Variants in FBXW2 observed in about 807,000 individuals in gnomAD.
FBXW2 encodes F-box/WD repeat-containing protein 2.
A neutral mutation model predicts 46.0 loss-of-function variants in FBXW2; 12 were observed. The observed-to-expected ratio is 0.26, with a 90% CI of 0.17 to 0.42. The LOEUF (loss-of-function observed/expected upper bound fraction) is 0.42, where lower values mean the gene tolerates loss of function less well. Among genes scored for constraint, FBXW2 ranks in the 10% least tolerant of loss-of-function variants. The probability of loss-of-function intolerance (pLI) is 1.00; values close to 1 mark genes in which losing one functional copy is unlikely to be tolerated. For missense variants in FBXW2, 360 were observed against 537.0 expected, an observed-to-expected ratio of 0.67 and a Z score of 3.26; for synonymous variants, 203 against 209.6, an observed-to-expected ratio of 0.97 and a Z score of 0.27.
At chr9:120,781,965 G>A (rs1453562075) in intron 3 of FBXW2, among the ~76,000 whole-genome samples, 1 of 150,858 alleles carries the variant, frequency 6.6e-6, no homozygotes, top group African/African-American at 2.4e-5. Flanking sequence ...GGAGGTTGCG[G>A]TGAGCCAAGA....
In FBXW2 at chr9:120,758,335, GAAAT is replaced by G. The variant is rs997093575; in HGVS notation, c.*6220_*6223del. ...GATTAACACCCAAAGCGCAAGGGTG[GAAAT>G]AAATAGAGGAGCAAGAACTGTTTGC... On this transcript the variant is annotated 3_prime_UTR_variant, in exon 8 of 8. Transcript: ENST00000608872. 2.6e-5 allele frequency: 4 copies of G among 152,188 alleles called. No individual in the cohort carries two copies. The highest frequency in any genetic ancestry group is 6.5e-5 in the Admixed American group (1 of 15,276). The allele number at this position is 152,188 out of a possible 1,614,324, so 9.4% of individuals were successfully genotyped here.
chr9:120,762,490 A>C lies in FBXW2; in HGVS notation c.*2069T>G, dbSNP rs2044211875. 6.6e-6 allele frequency: 1 copy of C among 152,240 alleles called. No homozygotes were observed. Among genetic ancestry groups the C allele is most frequent in the Admixed American group, 6.5e-5 (1 of 15,286 alleles). The allele number at this position is 152,240 out of a possible 1,614,324, so 9.4% of individuals were successfully genotyped here. A position where few individuals can be genotyped will look rare whatever the true frequency, so the allele number is the denominator to read the frequency against. Reference sequence around the variant, plus strand: ...GCTGATGCACAGAACTCAATGTGAGATAGATTAAACCCAGATTTTGTGGGA... The same window carrying C: ...GCTGATGCACAGAACTCAATGTGAGCTAGATTAAACCCAGATTTTGTGGGA... On this transcript the variant is annotated 3_prime_UTR_variant, in exon 8 of 8. Transcript: ENST00000608872.
At position 120,784,490 on chromosome 9, in the gene FBXW2, T is replaced by C. The variant is rs184747508; in HGVS notation, c.490+3279A>G. On this transcript the variant is annotated intron_variant, in intron 3 of 7. Coordinates refer to ENST00000608872, the MANE Select transcript of FBXW2 (RefSeq NM_012164.4). ...ATCCAGGCATAGGGTTGCTCGCTTG[T>C]AGTCCCAGCTAAACCCGGGAGGCTG... 5.6e-4 allele frequency among the ~76,000 whole-genome samples: 85 copies of C among 151,804 alleles called. 1 individual carries two copies. The Middle Eastern group carries it at 0.014, about 24-fold the overall frequency.
chr9:120,792,823 C>T, intron 2 of FBXW2: 1 of 1,314,092 alleles, frequency 7.6e-7, no homozygotes. Context: ...TGTCAGTTAC[C>T]ATTATTACTT....
chr9:120,776,612 T>C (rs1410129332), intron 4 of FBXW2: 1 of 155,014 alleles, frequency 6.5e-6, no homozygotes, highest in African/African-American at 2.4e-5. Context: ...TAAGACAAAA[T>C]ATAAAGAATG....
At chr9:120,774,721 C>T (rs531005753) in intron 5 of FBXW2, among the ~76,000 whole-genome samples, 1 of 152,342 alleles carries the variant, frequency 6.6e-6, no homozygotes, top group African/African-American at 2.4e-5. Flanking sequence ...ATTCTTCATT[C>T]AGCAGTTAAT....
intron 7 of FBXW2, among the ~76,000 whole-genome samples, chr9:120,770,941 T>C (rs1320926622): frequency 2.0e-5 from 3 of 152,242 alleles, no homozygotes; most frequent in Non-Finnish European, 2.9e-5. Flanking sequence ...AGAAGGTCAC[T>C]TGATCCCTAG....
chr9:120,764,483 T>A lies in FBXW2; in HGVS notation c.*76A>T. ...TAGGTGAGAACTTTGGTTCATGCAG[T>A]CGGCTGCCGCAGAGGTTGCACCCAA... On this transcript the variant is annotated 3_prime_UTR_variant, in exon 8 of 8. Transcript: ENST00000608872. The A allele has an allele frequency of 6.7e-7, 1 of 1,493,698 alleles. No homozygotes were observed. The highest frequency in any genetic ancestry group is 9.1e-7 in the Non-Finnish European group (1 of 1,094,624). The allele number at this position is 1,493,698 out of a possible 1,614,324, so 92.5% of individuals were successfully genotyped here. A position where few individuals can be genotyped will look rare whatever the true frequency, so the allele number is the denominator to read the frequency against.
chr9:120,772,501 C>CAAA (rs35048820), intron 6 of FBXW2, among the ~76,000 whole-genome samples: 1 of 468 alleles, frequency 2.1e-3, no homozygotes, highest in Non-Finnish European at 5.4e-3. Flanking sequence ...AAAAAAAAAC[C>CAAA]AACAACAAAA....
At position 120,772,829 on chromosome 9, in the gene FBXW2, C is replaced by A; in HGVS notation, c.831G>T (p.Gln277His). The change falls in exon 6 of 8, where the codon CAG becomes CAT. Residue 277 changes from glutamine (Q) to histidine (H), a missense_variant. Transcript: ENST00000608872. Reference protein sequence around the residue: ...HTEWVTKVVLQKCKVKSLLHS... With the variant: ...HTEWVTKVVLHKCKVKSLLHS... ...GCAAGAGAGACTTGACTTTGCACTT[C>A]TGCAAAACTACCTGCAAATGTAAAC... 1 of 1,610,836 alleles carries A rather than the reference C, an allele frequency of 6.2e-7. No homozygotes were observed. The highest frequency in any genetic ancestry group is 8.5e-7 in the Non-Finnish European group (1 of 1,177,614).
At chr9:120,793,025 T>C in intron 2 of FBXW2, 124 bp downstream of exon 2, 1 of 1,426,010 alleles carries the variant, frequency 7.0e-7, no homozygotes, top group Non-Finnish European at 9.5e-7. Flanking sequence ...GCTAAGGAAA[T>C]GGAGGCAGTA....
At chr9:120,766,582 A>T (rs925550640) in intron 7 of FBXW2, among the ~76,000 whole-genome samples, 1 of 152,088 alleles carries the variant, frequency 6.6e-6, no homozygotes, top group Admixed American at 6.5e-5. Context: ...CTCGTGCCTC[A>T]GCCTCCCGAG....
chr9:120,762,305 A>C lies in FBXW2; in HGVS notation c.*2254T>G, dbSNP rs1019775408. 2 of 151,722 alleles carry C rather than the reference A, an allele frequency of 1.3e-5. No individual in the cohort carries two copies. The highest frequency in any genetic ancestry group is 4.8e-5 in the African/African-American group (2 of 41,288). The allele number at this position is 151,722 out of a possible 1,614,324, so 9.4% of individuals were successfully genotyped here. A position where few individuals can be genotyped will look rare whatever the true frequency, so the allele number is the denominator to read the frequency against. On this transcript the variant is annotated 3_prime_UTR_variant, in exon 8 of 8. Transcript: ENST00000608872. ...CAGTGAGCCAAGATCGTGCCATTGCACTCCAGCCTGCGCAGTAAGAGCGAA... is the reference window on the plus strand; with the variant it reads ...CAGTGAGCCAAGATCGTGCCATTGCCCTCCAGCCTGCGCAGTAAGAGCGAA...
intron 5 of FBXW2, among the ~76,000 whole-genome samples, chr9:120,774,735 C>T (rs1308828164): frequency 3.3e-5 from 5 of 152,190 alleles, no homozygotes; most frequent in Admixed American, 1.3e-4. Context: ...AGTTAATTTT[C>T]CTAAAACATA....
chr9:120,783,583 G>C (rs919899245), intron 3 of FBXW2, among the ~76,000 whole-genome samples: 21 of 152,180 alleles, frequency 1.4e-4, no homozygotes, highest in African/African-American at 4.8e-4. Context: ...TGGAGCACCA[G>C]CTGCACTCTT....
At chr9:120,773,410 T>C (rs1464031770) in intron 5 of FBXW2, among the ~76,000 whole-genome samples, 1 of 152,206 alleles carries the variant, frequency 6.6e-6, no homozygotes, top group Non-Finnish European at 1.5e-5. Context: ...GAATCTGCCA[T>C]ATGCTGACTT....
intron 4 of FBXW2, among the ~76,000 whole-genome samples, chr9:120,777,184 G>C (rs1388077430): frequency 6.6e-6 from 1 of 152,174 alleles, no homozygotes; most frequent in African/African-American, 2.4e-5. Flanking sequence ...AAATCACCTG[G>C]AAGTCATGGT....
At position 120,761,902 on chromosome 9, in the gene FBXW2, T is replaced by C. The variant is rs2044201549; in HGVS notation, c.*2657A>G. On this transcript the variant is annotated 3_prime_UTR_variant, in exon 8 of 8. Transcript: ENST00000608872. ...TGAAATAGAACATACTATATACAGC[T>C]TCAAGTTTGTCACTTTTTAATAAAA... The C allele has an allele frequency of 6.6e-6, 1 of 152,208 alleles. No individual in the cohort carries two copies. The highest frequency in any genetic ancestry group is 1.5e-5 in the Non-Finnish European group (1 of 68,036). 9.4% of individuals were successfully genotyped at this position (152,208 alleles called of 1,614,324 possible).
intron 5 of FBXW2, among the ~76,000 whole-genome samples, chr9:120,774,021 A>G (rs897677560): frequency 6.6e-6 from 1 of 151,824 alleles, no homozygotes; most frequent in African/African-American, 2.4e-5. Context: ...CAAGACCCCC[A>G]TCTCCACACA....
Sources: gnomAD v4.1 joint callset for allele counts (sites outside exome capture counted in the v4.1 genomes callset) on GRCh38, gnomAD v4.1.1 for gene constraint, MANE v1.5 for transcripts, NCBI Gene and HGNC (gene_info 2026-07-23, HGNC 2026-07-21) for gene names.